ANK1: variants seen among roughly 807,000 people sequenced by gnomAD.
ANK1 encodes the protein ankyrin-1.
Under a neutral mutation model 210.4 loss-of-function variants are expected in ANK1, and 51 were observed. The ratio of observed to expected loss-of-function variants is 0.24; its 90% confidence interval spans 0.19 to 0.31. ANK1 has a LOEUF of 0.31. Ranked by LOEUF, ANK1 falls within the 10% of genes least tolerant of loss-of-function variation. The probability of loss-of-function intolerance (pLI) is 1.00; values close to 1 mark genes in which losing one functional copy is unlikely to be tolerated. For missense variants in ANK1, 2,051 were observed against 2,504.4 expected, an observed-to-expected ratio of 0.82 and a Z score of 3.86; for synonymous variants, 967 against 1,025.9, an observed-to-expected ratio of 0.94 and a Z score of 1.10.
chr8:41,655,576 T>A lies in ANK1; in HGVS notation c.*214A>T. 1.1e-6 allele frequency: 1 copy of A among 877,420 alleles called. No individual in the cohort carries two copies. The highest frequency in any genetic ancestry group is 1.8e-6 in the Non-Finnish European group (1 of 548,182). The allele number at this position is 877,420 out of a possible 1,614,324, so 54.4% of individuals were successfully genotyped here. A position where few individuals can be genotyped will look rare whatever the true frequency, so the allele number is the denominator to read the frequency against. On this transcript the variant is annotated 3_prime_UTR_variant, in exon 43 of 43. Transcript: ENST00000289734. ...AAGAGGCAGGATTGAAGCCTGGAGG[T>A]CATGCGTCTACAGTCAGTCATTCAT...
chr8:41,820,327 ATG>A (rs56359274), intron 1 of ANK1, among the ~76,000 whole-genome samples: 3,524 of 142,512 alleles, frequency 0.025, 53 homozygotes, highest in African/African-American at 0.048. Flanking sequence ...ACCAAGCTAA[ATG>A]TGTGTGTGTG....
intron 1 of ANK1, among the ~76,000 whole-genome samples, chr8:41,852,808 A>C (rs950785483): frequency 6.6e-6 from 1 of 152,146 alleles, no homozygotes; most frequent in Non-Finnish European, 1.5e-5. Context: ...CAACCCGCTG[A>C]GTGCCCTGGC....
intron 1 of ANK1, among the ~76,000 whole-genome samples, chr8:41,780,635 C>T (rs1390221951): frequency 1.3e-5 from 2 of 152,224 alleles, no homozygotes; most frequent in African/African-American, 4.8e-5. Flanking sequence ...GCGCTGGCCG[C>T]CAAGGGAACA....
At position 41,706,255 on chromosome 8, in the gene ANK1, G is replaced by C. The variant is rs1440188632; in HGVS notation, c.1999-14C>G. ...AGTGAGTCCGCTCTGCAAAGAAAAAGACGTTCATCACCTTCTATCAAGTAA... is the reference window on the plus strand; with the variant it reads ...AGTGAGTCCGCTCTGCAAAGAAAAACACGTTCATCACCTTCTATCAAGTAA... On this transcript the variant is annotated splice_polypyrimidine_tract_variant and intron_variant, in intron 17 of 42. Coordinates refer to ENST00000289734, the MANE Select transcript of ANK1 (RefSeq NM_000037.4). The C allele has an allele frequency of 6.2e-7, 1 of 1,610,896 alleles. No individual in the cohort carries two copies. The highest frequency in any genetic ancestry group is 1.7e-5 in the Admixed American group (1 of 59,812).
intron 1 of ANK1, chr8:41,840,473 T>C (rs1264573439): frequency 6.6e-6 from 1 of 152,246 alleles, no homozygotes; most frequent in Non-Finnish European, 1.5e-5. Context: ...ACCATAGACC[T>C]GATGGCTTAG....
At chr8:41,811,169 C>T (rs993217739) in intron 1 of ANK1, among the ~76,000 whole-genome samples, 4 of 152,158 alleles carry the variant, frequency 2.6e-5, no homozygotes, top group African/African-American at 9.7e-5. Flanking sequence ...TCTGCCTATC[C>T]TTTAGCAAAG....
intron 1 of ANK1, among the ~76,000 whole-genome samples, chr8:41,835,936 T>C (rs1016692357): frequency 6.6e-6 from 1 of 152,118 alleles, no homozygotes; most frequent in Non-Finnish European, 1.5e-5. Flanking sequence ...GAGTCTCCCA[T>C]AGGCCCCACC....
intron 33 of ANK1, among the ~76,000 whole-genome samples, chr8:41,689,114 TTC>T (rs1001287071): frequency 6.6e-5 from 10 of 152,088 alleles, no homozygotes; most frequent in South Asian, 2.1e-4. Context: ...CAGAAAAATA[TTC>T]TCTCTCTCTT....
chr8:41,718,283 G>A (rs1828282008), intron 10 of ANK1, 79 bp from the exon 11 acceptor site: 1 of 1,408,292 alleles, frequency 7.1e-7, no homozygotes, highest in Non-Finnish European at 1.0e-6. Context: ...CCACCTGGCT[G>A]CTCTAAAAGG....
Position 41,692,812 on chromosome 8 carries a change from C to A in ANK1, c.3694G>T (p.Glu1232Ter). Residue 1232 changes from glutamate (E) to a stop codon, truncating the protein, a stop_gained, in exon 31 of 43, where the codon GAG (glutamate) becomes TAG (stop). Transcript: ENST00000289734. LOFTEE classifies it high-confidence loss of function. ...AVNFATLLYK[E>*]LTAVPYMAKF... ...GCCATGTAGGGCACTGCAGTGAGCT[C>A]TTTGTACAGCAGGGTGGCAAAGTTC... is the stretch of plus-strand genomic sequence containing the variant. 4 of 1,614,146 alleles carry A rather than the reference C, an allele frequency of 2.5e-6. No homozygotes were observed. Among genetic ancestry groups the A allele is most frequent in the Non-Finnish European group, 3.4e-6 (4 of 1,180,040 alleles).
intron 1 of ANK1, among the ~76,000 whole-genome samples, chr8:41,795,860 C>G (rs1232403490): frequency 6.6e-6 from 1 of 152,092 alleles, no homozygotes; most frequent in Non-Finnish European, 1.5e-5. Flanking sequence ...GGTGACTATA[C>G]TATAATAGCA....
rs1299772540 is a variant in ANK1 at position 41,718,184 on chromosome 8, G to A, written c.1128C>T (p.His376=). The A allele has an allele frequency of 6.2e-7, 1 of 1,613,850 alleles. No homozygotes were observed. Among genetic ancestry groups the A allele is most frequent in the African/African-American group, 1.3e-5 (1 of 74,880 alleles). Residue 376 remains histidine (H), a synonymous_variant, in exon 11 of 43, where the codon CAC becomes CAT. Transcript: ENST00000289734. ...GGACGTGGTTCTTTTTGCAGGCGAT[G>A]TGTAAGGGGGTAAAGCCATTCTGCA... ...SRALNGFTPL[H]IACKKNHVRV... is the part of the protein sequence containing the mutation.
intron 2 of ANK1, among the ~76,000 whole-genome samples, chr8:41,750,928 G>A (rs1014464098): frequency 2.0e-5 from 3 of 152,198 alleles, no homozygotes; most frequent in Non-Finnish European, 4.4e-5. Flanking sequence ...GAACCAGCAA[G>A]TGTCAGCATC....
At chr8:41,884,961 G>T (rs1250582209) in intron 1 of ANK1, among the ~76,000 whole-genome samples, 4 of 152,118 alleles carry the variant, frequency 2.6e-5, no homozygotes, top group Non-Finnish European at 5.9e-5. Context: ...TTGGGGAGGG[G>T]TGAGGCACAG....
At chr8:41,675,878 TC>T (rs1813984746) in intron 37 of ANK1, among the ~76,000 whole-genome samples, 3 of 152,230 alleles carry the variant, frequency 2.0e-5, no homozygotes, top group Admixed American at 6.5e-5. Flanking sequence ...ACTCTCTCTT[TC>T]TTTAAAGCCT....
At chr8:41,767,723 C>G (rs574620918) in intron 1 of ANK1, among the ~76,000 whole-genome samples, 33 of 152,178 alleles carry the variant, frequency 2.2e-4, no homozygotes, top group African/African-American at 7.7e-4. Context: ...GGGCTCGGGG[C>G]GGGCGTCCTG....
chr8:41,813,153 G>A (rs1802753313), intron 1 of ANK1, among the ~76,000 whole-genome samples: 1 of 152,218 alleles, frequency 6.6e-6, no homozygotes, highest in East Asian at 1.9e-4. Flanking sequence ...TTATAACGAA[G>A]CACATTTTGC....
At chr8:41,881,896 C>A (rs1214000373) in intron 1 of ANK1, among the ~76,000 whole-genome samples, 1 of 152,204 alleles carries the variant, frequency 6.6e-6, no homozygotes, top group Non-Finnish European at 1.5e-5. Flanking sequence ...CTTGCCTTCC[C>A]TGTCTCCTTT....
chr8:41,880,447 A>T (rs1817376404), intron 1 of ANK1, among the ~76,000 whole-genome samples: 1 of 152,162 alleles, frequency 6.6e-6, no homozygotes, highest in African/African-American at 2.4e-5. Context: ...TTTCTTCTGG[A>T]CTTTAATGCT....
Sources: allele counts gnomAD v4.1 joint callset (sites outside exome capture counted in the v4.1 genomes callset), GRCh38; gene constraint gnomAD v4.1.1; transcripts MANE v1.5; gene names NCBI Gene and HGNC (gene_info 2026-07-23, HGNC 2026-07-21).